The following ANKRD45 variants were observed in gnomAD, a reference collection of about 807,000 sequenced individuals.
ANKRD45 encodes ankyrin repeat domain-containing protein 45.
In ANKRD45, 21 loss-of-function variants were observed where a neutral mutation model predicts 28.1. That is an observed-to-expected ratio of 0.75 (90% CI 0.53 to 1.08). The LOEUF is 1.08. Among genes scored for constraint, ANKRD45 ranks in the 50% least tolerant of loss-of-function variants. The pLI is 0.00. For synonymous variants in ANKRD45, 86 were observed against 103.9 expected, an observed-to-expected ratio of 0.83 and a Z score of 1.05; for missense variants, 261 against 308.7, an observed-to-expected ratio of 0.85 and a Z score of 1.16.
the ANKRD45 span, among the ~76,000 whole-genome samples, chr1:173,684,379 G>C: frequency 6.6e-6 from 1 of 151,906 alleles, no homozygotes; most frequent in African/African-American, 2.4e-5. Context: ...TGCTTTGCTT[G>C]ATTTTCCAAA....
intron 3 of ANKRD45, chr1:173,635,300 T>C (rs1668376637): frequency 6.4e-6 from 3 of 467,334 alleles, no homozygotes; most frequent in East Asian, 7.0e-5. Context: ...CTATGACTGA[T>C]GATGTTACAA....
chr1:173,636,755 TA>T, intron 3 of ANKRD45: 1 of 1,058,858 alleles, frequency 9.4e-7, no homozygotes, highest in South Asian at 1.6e-5. Flanking sequence ...TGAACTATAT[TA>T]TTAACTATAC....
chr1:173,648,029 G>A (rs566214358), intron 2 of ANKRD45, among the ~76,000 whole-genome samples: 144 of 152,042 alleles, frequency 9.5e-4, no homozygotes, highest in African/African-American at 3.1e-3. Context: ...TGCAACCTCC[G>A]TGTCCCGGGT....
At chr1:173,707,261 G>T in the ANKRD45 span, among the ~76,000 whole-genome samples, 1 of 150,486 alleles carries the variant, frequency 6.6e-6, no homozygotes, top group Non-Finnish European at 1.5e-5. Context: ...TTTGTCCCAT[G>T]GAAATTTTTT....
chr1:173,655,998 G>C (rs1669490113), intron 2 of ANKRD45, among the ~76,000 whole-genome samples: 1 of 152,286 alleles, frequency 6.6e-6, no homozygotes, highest in African/African-American at 2.4e-5. Flanking sequence ...GTTTTTCCAG[G>C]TACAGTGTAT....
At chr1:173,704,948 C>T in the ANKRD45 span, among the ~76,000 whole-genome samples, 26,545 of 152,210 alleles carry the variant, frequency 0.17, 2,889 homozygotes, top group Non-Finnish European at 0.22. Flanking sequence ...GAAGCTCTGA[C>T]GCTGGGATGA....
intron 2 of ANKRD45, 22 bp from the exon 3 acceptor site, chr1:173,647,035 G>C (rs1214684912): frequency 6.2e-7 from 1 of 1,607,270 alleles, no homozygotes; most frequent in Non-Finnish European, 8.5e-7. Flanking sequence ...AATGAAGATG[G>C]TGAGATCAAA....
chr1:173,667,662 C>T (rs779518709), intron 1 of ANKRD45: 2 of 394,072 alleles, frequency 5.1e-6, no homozygotes, highest in Non-Finnish European at 9.8e-6. Flanking sequence ...GCTAAGATCA[C>T]CCCACTGCAC....
intron 3 of ANKRD45, among the ~76,000 whole-genome samples, chr1:173,632,915 A>C (rs964831899): frequency 2.0e-5 from 3 of 152,064 alleles, no homozygotes; most frequent in Non-Finnish European, 4.4e-5. Context: ...GAAAAACTAA[A>C]AGCCTTTCCT....
At chr1:173,613,522 C>T (rs1331098599) in intron 5 of ANKRD45, among the ~76,000 whole-genome samples, 3 of 148,550 alleles carry the variant, frequency 2.0e-5, no homozygotes, top group Non-Finnish European at 3.0e-5. Flanking sequence ...TCAGCCCCCG[C>T]CCGGCCAGCC....
rs919394308 is a variant in ANKRD45, at chr1:173,621,494, G to A, written c.730+3293C>T. On this transcript the variant is annotated intron_variant, in intron 5 of 5. Coordinates refer to ENST00000333279, the MANE Select transcript of ANKRD45 (RefSeq NM_198493.3). ...GGCTTCATCTCCAGGATGCAAGGTT[G>A]GTTCAGCATACACAAATCAATAAAT... is the stretch of plus-strand genomic sequence containing the variant. Among the ~76,000 whole-genome samples, 6 of 152,270 alleles carry A rather than the reference G, an allele frequency of 3.9e-5. No individual in the cohort carries two copies. The East Asian group carries it at 1.2e-3, about 29-fold the overall frequency.
intron 3 of ANKRD45, among the ~76,000 whole-genome samples, chr1:173,643,082 G>T (rs1361480081): frequency 6.6e-6 from 1 of 151,256 alleles, no homozygotes; most frequent in East Asian, 1.9e-4. Context: ...TTTTTAATGT[G>T]TTAGATTATA....
the ANKRD45 span, among the ~76,000 whole-genome samples, chr1:173,706,441 C>T: frequency 8.0e-4 from 121 of 151,700 alleles, no homozygotes; most frequent in African/African-American, 2.7e-3. Flanking sequence ...CAGGTTCAAG[C>T]AATTCTCCTG....
the ANKRD45 span, among the ~76,000 whole-genome samples, chr1:173,684,521 T>C: frequency 6.6e-6 from 1 of 152,198 alleles, no homozygotes; most frequent in Non-Finnish European, 1.5e-5. Context: ...AGTACACCCA[T>C]TACAGCTGTG....
rs147567277 is a variant in ANKRD45, at chr1:173,641,263, C to T, written c.496+5583G>A. On this transcript the variant is annotated intron_variant, in intron 3 of 5. Transcript: ENST00000333279. ...AAAGCGATTGTTACGCTTGTGCACA[C>T]GGTAGGCCAGAGGCCCAGACTGTCC... Among the ~76,000 whole-genome samples the T allele has an allele frequency of 2.5e-3, 381 of 152,310 alleles. 1 individual carries two copies. Among genetic ancestry groups the T allele is most frequent in the African/African-American group, 7.1e-3 (297 of 41,574 alleles).
In ANKRD45 at chr1:173,611,241, C is replaced by A. The variant is rs145804620; in HGVS notation, c.731-1026G>T. Among the ~76,000 whole-genome samples the A allele has an allele frequency of 2.6e-5, 4 of 152,240 alleles. No individual in the cohort carries two copies. The East Asian group carries it at 7.7e-4, about 29-fold the overall frequency. Reference sequence around the variant, plus strand: ...TCATACTCCACACTGGCTATCCATCCTCTCAGGAAACTCTTCTTTCTTCAT... The same window carrying A: ...TCATACTCCACACTGGCTATCCATCATCTCAGGAAACTCTTCTTTCTTCAT... On this transcript the variant is annotated intron_variant, in intron 5 of 5. Transcript: ENST00000333279.
chr1:173,643,653 AT>A (rs1668800189), intron 3 of ANKRD45, among the ~76,000 whole-genome samples: 1 of 152,096 alleles, frequency 6.6e-6, no homozygotes, highest in Non-Finnish European at 1.5e-5. Flanking sequence ...AGACAATTCA[AT>A]TTTTTAAACT....
intron 3 of ANKRD45, among the ~76,000 whole-genome samples, chr1:173,640,377 A>G (rs765788457): frequency 1.4e-5 from 2 of 148,028 alleles, no homozygotes; most frequent in African/African-American, 5.0e-5. Context: ...GAAGGCCCCT[A>G]TCTGGTGCTG....
upstream of ANKRD45, among the ~76,000 whole-genome samples, chr1:173,670,449 A>G (rs1354482932): frequency 1.3e-5 from 2 of 152,242 alleles, no homozygotes; most frequent in African/African-American, 4.8e-5. Context: ...CAGTGAAAAC[A>G]GGGAAGTTTT....
Sources: gnomAD v4.1 joint callset for allele counts (sites outside exome capture counted in the v4.1 genomes callset) on GRCh38, gnomAD v4.1.1 for gene constraint, MANE v1.5 for transcripts, NCBI Gene and HGNC (gene_info 2026-07-23, HGNC 2026-07-21) for gene names.